Variants in PKN3 observed in about 807,000 individuals in gnomAD.
PKN3 encodes the protein protein kinase N3, also known as serine/threonine-protein kinase N3.
PKN3 carries 91 observed loss-of-function variants against 113.1 expected under a neutral mutation model. The observed-to-expected ratio is 0.80, with a 90% CI of 0.68 to 0.96. The LOEUF (loss-of-function observed/expected upper bound fraction) is 0.96, where lower values mean the gene tolerates loss of function less well. Ranked by LOEUF, PKN3 falls within the 40% of genes least tolerant of loss-of-function variation. PKN3 has a pLI of 0.00. For synonymous variants in PKN3, 467 were observed against 499.0 expected, an observed-to-expected ratio of 0.94 and a Z score of 0.85; for missense variants, 1,052 against 1,202.2, an observed-to-expected ratio of 0.88 and a Z score of 1.85.
intron 18 of PKN3, 75 bp downstream of exon 18, chr9:128,718,700 G>GC (rs1458618989): frequency 1.5e-6 from 2 of 1,345,062 alleles, no homozygotes; most frequent in Non-Finnish European, 2.1e-6. Context: ...TGGGCACATG[G>GC]CATGTCCCAG....
Position 128,705,783 on chromosome 9 carries a change from G to A in PKN3, c.315G>A (p.Arg105=). 6.2e-7 allele frequency: 1 copy of A among 1,608,202 alleles called. No homozygotes were observed. The highest frequency in any genetic ancestry group is 8.5e-7 in the Non-Finnish European group (1 of 1,177,516). Reference sequence around the variant, plus strand: ...CGTGGGCAGAGCAGCTCAGGGCTCGGCACCTAGAGGCTCTCCGGAGGCAGC... The same window carrying A: ...CGTGGGCAGAGCAGCTCAGGGCTCGACACCTAGAGGCTCTCCGGAGGCAGC... ...PRPWAEQLRA[R]HLEALRRQLH... is the part of the protein sequence containing the mutation. Residue 105 remains arginine (R), a synonymous_variant, in exon 3 of 22, where the codon CGG becomes CGA. Transcript: ENST00000291906.
chr9:128,716,998 C>A, intron 16 of PKN3, 75 bp downstream of exon 16: 2 of 1,291,852 alleles, frequency 1.5e-6, no homozygotes, highest in Non-Finnish European at 1.1e-6. Context: ...CTACATACTG[C>A]TTTCTCCAAG....
Position 128,720,066 on chromosome 9 carries a change from A to G in PKN3, c.2376+49A>G, listed in dbSNP as rs1464756948. 1 of 1,555,776 alleles carries G rather than the reference A, an allele frequency of 6.4e-7. No homozygotes were observed. Among genetic ancestry groups the G allele is most frequent in the South Asian group, 1.1e-5 (1 of 89,908 alleles). ...TGGGCTGGATGGCCGCTCAAGGCCC[A>G]TGTGCCCTCTGCCGTGGGACAGCAG... On this transcript the variant is annotated intron_variant, in intron 20 of 21. Coordinates refer to ENST00000291906, the MANE Select transcript of PKN3 (RefSeq NM_013355.5). The surrounding 1 kb of genome is among the most constrained non-coding windows in gnomAD (Gnocchi z 5.5).
Position 128,714,244 on chromosome 9 carries a change from T to C in PKN3, c.1360T>C (p.Trp454Arg). 3 of 1,613,856 alleles carry C rather than the reference T, an allele frequency of 1.9e-6. No individual in the cohort carries two copies. Among genetic ancestry groups the C allele is most frequent in the Middle Eastern group, 1.6e-4 (1 of 6,062 alleles). ...ASQMNLGMAA[W>R]GRLVMNLLPP... ...GCAGATGAACCTCGGCATGGCGGCC[T>C]GGGGGCGCCTCGTCATGAACCTGCT... The change falls in exon 11 of 22, where the codon TGG becomes CGG. Residue 454 changes from tryptophan (W) to arginine (R), a missense_variant. Trp to Arg is a moderately radical substitution (Grantham distance 101). This residue lies in a region of PKN3 where 719 missense variants were observed against 759.4 expected (regional missense o/e 0.95). Transcript: ENST00000291906.
intron 16 of PKN3, 89 bp from the exon 17 acceptor site, chr9:128,718,236 T>TA (rs1345867538): frequency 1.0e-6 from 1 of 957,276 alleles, no homozygotes; most frequent in East Asian, 2.4e-5. Flanking sequence ...ACATCCGGGA[T>TA]CCCCCCGCTA....
intron 15 of PKN3, 98 bp from the exon 16 acceptor site, chr9:128,716,649 T>G: frequency 1.1e-6 from 1 of 909,792 alleles, no homozygotes; most frequent in Non-Finnish European, 1.7e-6. Flanking sequence ...CCTGGCACTT[T>G]GGCTGAGGGC....
intron 6 of PKN3, among the ~76,000 whole-genome samples, chr9:128,709,294 A>AT (rs1862111968): frequency 4.4e-5 from 2 of 45,052 alleles, no homozygotes; most frequent in South Asian, 1.3e-3. Flanking sequence ...AAAAAAAAAT[A>AT]AAAAAATAAA....
chr9:128,702,654 G>A lies in PKN3; in HGVS notation c.-262G>A, dbSNP rs940463352. 5.8e-5 allele frequency: 25 copies of A among 431,604 alleles called. No individual in the cohort carries two copies. In the Admixed American group the frequency reaches 7.8e-4, roughly 13 times the overall value. The allele number at this position is 431,604 out of a possible 1,614,324, so 26.7% of individuals were successfully genotyped here. A position where few individuals can be genotyped will look rare whatever the true frequency, so the allele number is the denominator to read the frequency against. ...CGCAGGCGCCGAAGCCCGGGTACTG[G>A]GCCCAGAATCCCGCGGAATTTTGGA... On this transcript the variant is annotated 5_prime_UTR_variant, in exon 1 of 22. Transcript: ENST00000291906.
At chr9:128,717,929 G>A (rs1418075533) in intron 16 of PKN3, among the ~76,000 whole-genome samples, 2 of 149,958 alleles carry the variant, frequency 1.3e-5, no homozygotes, top group Non-Finnish European at 3.0e-5. Context: ...CAGCTACTTG[G>A]GAGGCTGAGG....
chr9:128,714,169 C>A (rs756956586), intron 10 of PKN3, 28 bp from the exon 11 acceptor site: 2 of 1,613,998 alleles, frequency 1.2e-6, no homozygotes, highest in Admixed American at 1.7e-5. Context: ...GCTGGGGTCC[C>A]GGGACTAAGC....
intron 1 of PKN3, chr9:128,703,369 C>T: frequency 1.0e-6 from 1 of 985,332 alleles, no homozygotes; most frequent in Non-Finnish European, 1.2e-6. Flanking sequence ...AGTCTGTGCG[C>T]GCTTGGCAGT....
In PKN3 at chr9:128,713,310, C is replaced by T. The variant is rs998268749; in HGVS notation, c.1015C>T (p.Arg339Cys). Residue 339 changes from arginine (R) to cysteine (C), a missense_variant, in exon 8 of 22, where the codon CGT (arginine) becomes TGT (cysteine). Arg to Cys is a radical substitution (Grantham distance 180). Around this residue, in one of 2 missense-constraint regions of PKN3, gnomAD observed 719 missense variants for 759.4 expected, o/e 0.95. Coordinates refer to ENST00000291906, the MANE Select transcript of PKN3 (RefSeq NM_013355.5). ...GCTGGCTGTGCTAAAGGTGGACAAC[C>T]GTGTTGTGGGGCAGACGGGCTGGGG... is the stretch of plus-strand genomic sequence containing the variant. ...EVLAVLKVDN[R>C]VVGQTGWGQV... 3.7e-6 allele frequency: 6 copies of T among 1,614,098 alleles called. No homozygotes were observed. Among genetic ancestry groups the T allele is most frequent in the Non-Finnish European group, 5.1e-6 (6 of 1,180,006 alleles).
chr9:128,713,157 G>A lies in PKN3; in HGVS notation c.941G>A (p.Arg314Gln), dbSNP rs144703543. Residue 314 changes from arginine (R) to glutamine (Q), a missense_variant, in exon 7 of 22, where the codon CGG becomes CAG. Arg to Gln is a conservative substitution (Grantham distance 43). This residue lies in a region of PKN3 where 719 missense variants were observed against 759.4 expected (regional missense o/e 0.95). Coordinates refer to ENST00000291906, the MANE Select transcript of PKN3 (RefSeq NM_013355.5). ...LASSPSEGWL[R>Q]TKAKHQRGRG... is the part of the protein sequence containing the mutation. ...AGCAGCCCCTCCGAGGGCTGGCTTC[G>A]GACCAAGGCCAAGCACCAGCGTGGC... 12 of 1,610,886 alleles carry A rather than the reference G, an allele frequency of 7.4e-6. No homozygotes were observed. Among genetic ancestry groups the A allele is most frequent in the African/African-American group, 2.7e-5 (2 of 74,888 alleles).
chr9:128,715,452 G>GAT lies in PKN3; in HGVS notation c.1802_1803dup (p.Glu602Ter). Reference sequence around the variant, plus strand: ...AGCAGGAGGTGCTCAGCCGGGACGAGATAGAGAGGTGTGTGGGGGTGCCGC... The same window carrying GAT: ...AGCAGGAGGTGCTCAGCCGGGACGAGATATAGAGAGGTGTGTGGGGGTGCCGC... On this transcript the variant is annotated frameshift_variant, in exon 15 of 22. Coordinates refer to ENST00000291906, the MANE Select transcript of PKN3 (RefSeq NM_013355.5). LOFTEE classifies it high-confidence loss of function. This position sits in a 1 kb window ranked among gnomAD's most constrained non-coding sequence, Gnocchi z 4.1. 1 of 1,613,530 alleles carries GAT rather than the reference G, an allele frequency of 6.2e-7. No homozygotes were observed. The highest frequency in any genetic ancestry group is 8.5e-7 in the Non-Finnish European group (1 of 1,179,730).
chr9:128,706,330 A>G (rs1238430483), intron 3 of PKN3, among the ~76,000 whole-genome samples: 1 of 149,074 alleles, frequency 6.7e-6, no homozygotes, highest in Non-Finnish European at 1.5e-5. Context: ...GGCTTAGCTT[A>G]GCCCCTGCCC....
chr9:128,718,609 T>C lies in PKN3; in HGVS notation c.2109T>C (p.Phe703=), dbSNP rs1296953403. ...DAQGFLKIAD[F]GLCKEGIGFG... ...AGGGATTCCTGAAGATCGCAGACTTTGGACTCTGCAAGGAAGGTGGGGGCC... is the reference window on the plus strand; with the variant it reads ...AGGGATTCCTGAAGATCGCAGACTTCGGACTCTGCAAGGAAGGTGGGGGCC... The change falls in exon 18 of 22, where the codon TTT becomes TTC. Residue 703 remains phenylalanine (F), a synonymous_variant. Coordinates refer to ENST00000291906, the MANE Select transcript of PKN3 (RefSeq NM_013355.5). The C allele has an allele frequency of 6.2e-7, 1 of 1,614,062 alleles. No homozygotes were observed. Among genetic ancestry groups the C allele is most frequent in the African/African-American group, 1.3e-5 (1 of 75,024 alleles).
In PKN3 at chr9:128,718,827, C is replaced by T. The variant is rs144532969; in HGVS notation, c.2125+202C>T. ...TAGAGGCTCGTAGCCCCAGCCTGCA[C>T]CTGGCCCAAGGGAGAGCCTGTGGTC... On this transcript the variant is annotated intron_variant, in intron 18 of 21. Coordinates refer to ENST00000291906, the MANE Select transcript of PKN3 (RefSeq NM_013355.5). Among the ~76,000 whole-genome samples, 46 of 152,136 alleles carry T rather than the reference C, an allele frequency of 3.0e-4. No individual in the cohort carries two copies. In the East Asian group the frequency reaches 8.7e-3, roughly 29 times the overall value.
intron 3 of PKN3, 40 bp from the exon 4 acceptor site, chr9:128,706,673 C>G: frequency 7.0e-7 from 1 of 1,421,048 alleles, no homozygotes; most frequent in Non-Finnish European, 9.4e-7. Context: ...GAAGCTGTGG[C>G]CCAGGCCTGG....
Position 128,718,080 on chromosome 9 carries a change from A to C in PKN3, c.1986-245A>C, listed in dbSNP as rs544934018. ...TGATGAATATCCACTGCAGGGACCA[A>C]CACTTGGTCCCTGGCACCATTTAAG... On this transcript the variant is annotated intron_variant, in intron 16 of 21. Transcript: ENST00000291906. Among the ~76,000 whole-genome samples the C allele has an allele frequency of 4.6e-5, 7 of 151,384 alleles. No homozygotes were observed. In the East Asian group the frequency reaches 1.2e-3, roughly 25 times the overall value.
Sources: gnomAD v4.1 joint callset for allele counts (sites outside exome capture counted in the v4.1 genomes callset) on GRCh38, gnomAD v4.1.1 for gene constraint, gnomAD v4.1.1 regional missense constraint, Gnocchi (gnomAD v3.1) non-coding constraint, MANE v1.5 for transcripts, NCBI Gene and HGNC (gene_info 2026-07-23, HGNC 2026-07-21) for gene names.